Variants in CSMD1 observed in about 807,000 individuals in gnomAD.
CSMD1 encodes the protein CUB and sushi domain-containing protein 1.
CSMD1 carries 213 observed loss-of-function variants against 417.5 expected under a neutral mutation model. That is an observed-to-expected ratio of 0.51 (90% CI 0.46 to 0.57). The LOEUF (loss-of-function observed/expected upper bound fraction) is 0.57. Among genes scored for constraint, CSMD1 ranks in the 20% least tolerant of loss-of-function variants. The pLI is 0.00. For missense variants in CSMD1, 6,923 were observed against 4,529.7 expected, an observed-to-expected ratio of 1.53 and a Z score of -15.17; for synonymous variants, 2,862 against 1,736.8, an observed-to-expected ratio of 1.65 and a Z score of -16.11.
chr8:4,775,326 G>A (rs970216416), intron 1 of CSMD1, among the ~76,000 whole-genome samples: 3 of 152,184 alleles, frequency 2.0e-5, no homozygotes, highest in African/African-American at 4.8e-5. Context: ...ATATGTAGCA[G>A]TGAATAGATG....
chr8:3,193,691 G>A (rs1421547425), intron 33 of CSMD1, among the ~76,000 whole-genome samples: 1 of 152,148 alleles, frequency 6.6e-6, no homozygotes, highest in Non-Finnish European at 1.5e-5. Context: ...GGAATAGAGG[G>A]TGATCAACAA....
chr8:3,049,861 T>G (rs933346260), intron 50 of CSMD1, among the ~76,000 whole-genome samples: 1 of 152,098 alleles, frequency 6.6e-6, no homozygotes, highest in Non-Finnish European at 1.5e-5. Flanking sequence ...ATGCACATGT[T>G]GCGGACGGTG....
intron 46 of CSMD1, among the ~76,000 whole-genome samples, chr8:3,103,041 C>T (rs1815872928): frequency 6.6e-6 from 1 of 152,128 alleles, no homozygotes; most frequent in Non-Finnish European, 1.5e-5. Context: ...AGCACCTGGA[C>T]CCATTTAGAT....
At chr8:4,882,441 T>C (rs188258386) in intron 1 of CSMD1, among the ~76,000 whole-genome samples, 3 of 151,266 alleles carry the variant, frequency 2.0e-5, no homozygotes, top group Non-Finnish European at 4.4e-5. Flanking sequence ...CCGGAGGGAA[T>C]TTGAAGAGTA....
At chr8:4,608,322 G>A (rs935269399) in intron 2 of CSMD1, among the ~76,000 whole-genome samples, 2 of 152,182 alleles carry the variant, frequency 1.3e-5, no homozygotes, top group African/African-American at 4.8e-5. Context: ...TGGGTGAGGA[G>A]GCAACTACCC....
At chr8:3,837,218 CA>C (rs1288879089) in intron 5 of CSMD1, among the ~76,000 whole-genome samples, 1 of 151,968 alleles carries the variant, frequency 6.6e-6, no homozygotes, top group Non-Finnish European at 1.5e-5. Flanking sequence ...CCAATTATTC[CA>C]GAATAGATGT....
chr8:4,400,024 G>A (rs1804540582), intron 3 of CSMD1, among the ~76,000 whole-genome samples: 1 of 152,094 alleles, frequency 6.6e-6, no homozygotes, highest in Non-Finnish European at 1.5e-5. Flanking sequence ...TCTAGTGGAG[G>A]TAGACAGACA....
intron 50 of CSMD1, among the ~76,000 whole-genome samples, chr8:3,039,301 CCT>C (rs1173599752): frequency 6.6e-6 from 1 of 151,544 alleles, no homozygotes; most frequent in African/African-American, 2.4e-5. Flanking sequence ...TTACTTCCTT[CCT>C]CTCTCCCTCC....
intron 18 of CSMD1, among the ~76,000 whole-genome samples, chr8:3,376,290 AG>A (rs1354029508): frequency 6.6e-6 from 1 of 152,084 alleles, no homozygotes; most frequent in Non-Finnish European, 1.5e-5. Flanking sequence ...ATGGATGAAA[AG>A]GGTAACCAAT....
At position 3,065,287 on chromosome 8, in the gene CSMD1, ATAGATAGATAGATAGG is replaced by A. The variant is rs1220229007; in HGVS notation, c.7475-12656_7475-12641del. On this transcript the variant is annotated intron_variant, in intron 49 of 69. Transcript: ENST00000635120. ...AGGAAGACTGGAATATGATACATAG[ATAGATAGATAGATAGG>A]TAGATAGATAGATAGACAGACAGAC... Among the ~76,000 whole-genome samples, 430 of 126,318 alleles carry A rather than the reference ATAGATAGATAGATAGG, an allele frequency of 3.4e-3. 1 individual carries two copies. The highest frequency in any genetic ancestry group is 0.012 in the African/African-American group (405 of 34,360). 82.9% of individuals were successfully genotyped at this position (126,318 alleles called of 152,430 possible).
At chr8:4,853,891 G>A (rs1265206988) in intron 1 of CSMD1, among the ~76,000 whole-genome samples, 1 of 152,070 alleles carries the variant, frequency 6.6e-6, no homozygotes, top group Non-Finnish European at 1.5e-5. Context: ...ATAATTTTGG[G>A]GATTTAAGAT....
intron 1 of CSMD1, among the ~76,000 whole-genome samples, chr8:4,674,621 G>C (rs1310023250): frequency 1.3e-5 from 2 of 152,104 alleles, no homozygotes; most frequent in Middle Eastern, 3.2e-3. Flanking sequence ...ACACCAAGGA[G>C]ACAAATAATA....
At chr8:4,850,950 CT>C (rs35923749) in intron 1 of CSMD1, among the ~76,000 whole-genome samples, 76 of 150,104 alleles carry the variant, frequency 5.1e-4, no homozygotes, top group African/African-American at 1.8e-3. Flanking sequence ...TGTTAATTTC[CT>C]TTTTTTAATA....
At chr8:4,002,173 G>C (rs934877599) in intron 4 of CSMD1, among the ~76,000 whole-genome samples, 1 of 152,044 alleles carries the variant, frequency 6.6e-6, no homozygotes, top group African/African-American at 2.4e-5. Flanking sequence ...CTTTAGCACA[G>C]AATGAGGCAA....
chr8:2,964,403 T>A (rs1031560073), intron 59 of CSMD1, among the ~76,000 whole-genome samples: 1 of 152,154 alleles, frequency 6.6e-6, no homozygotes. Context: ...CCCAAGGGAA[T>A]GTCCAGGGGG....
Position 3,711,869 on chromosome 8 carries a change from C to T in CSMD1, c.932-3378G>A, listed in dbSNP as rs530256844. On this transcript the variant is annotated intron_variant, in intron 6 of 69. Transcript: ENST00000635120. ...AAATAATAAAGAGCATAGAACTCAACGCAAATGTCACTCACCCTAAACAGA... is the reference window on the plus strand; with the variant it reads ...AAATAATAAAGAGCATAGAACTCAATGCAAATGTCACTCACCCTAAACAGA... Among the ~76,000 whole-genome samples, 8 of 152,268 alleles carry T rather than the reference C, an allele frequency of 5.3e-5. No homozygotes were observed. The South Asian group carries it at 6.2e-4, about 12-fold the overall frequency.
chr8:4,239,008 G>T (rs776148353), intron 3 of CSMD1, among the ~76,000 whole-genome samples: 5 of 152,178 alleles, frequency 3.3e-5, no homozygotes, highest in Non-Finnish European at 5.9e-5. Flanking sequence ...TATGGCTACA[G>T]GATTAGGTTC....
In CSMD1 at chr8:3,181,198, T is replaced by C. The variant is rs1821300694; in HGVS notation, c.5637A>G (p.Ala1879=). The change falls in exon 37 of 70, where the codon GCA becomes GCG. Residue 1879 remains alanine, a synonymous_variant. Coordinates refer to ENST00000635120, the MANE Select transcript of CSMD1 (RefSeq NM_033225.6). ...LGSFSGTTVP[A]LLNSTSNQLY... is the part of the protein sequence containing the mutation. Reference sequence around the variant, plus strand: ...GTTGGTTGGAAGTACTGTTCAGCAGTGCCGGTACTGTGGTGCCTGTAAGAA... The same window carrying C: ...GTTGGTTGGAAGTACTGTTCAGCAGCGCCGGTACTGTGGTGCCTGTAAGAA... 3 of 1,613,242 alleles carry C rather than the reference T, an allele frequency of 1.9e-6. No homozygotes were observed. The highest frequency in any genetic ancestry group is 2.5e-6 in the Non-Finnish European group (3 of 1,179,302).
At chr8:3,122,550 T>A (rs1289616303) in intron 41 of CSMD1, among the ~76,000 whole-genome samples, 2 of 152,136 alleles carry the variant, frequency 1.3e-5, no homozygotes, top group African/African-American at 4.8e-5. Flanking sequence ...AATTCCCAAA[T>A]GTTGTGAATG....
Sources: allele counts gnomAD v4.1 joint callset (sites outside exome capture counted in the v4.1 genomes callset), GRCh38; gene constraint gnomAD v4.1.1; transcripts MANE v1.5; gene names NCBI Gene and HGNC (gene_info 2026-07-23, HGNC 2026-07-21).